The following NRG3 variants were observed in gnomAD, a reference collection of about 807,000 sequenced individuals.
The protein encoded by NRG3 is neuregulin 3.
A neutral mutation model predicts 66.9 loss-of-function variants in NRG3; 31 were observed. The observed-to-expected ratio is 0.46, with a 90% CI of 0.35 to 0.63. NRG3 has a LOEUF of 0.63. NRG3 is among the 20% of genes least tolerant of loss of function. The pLI is 0.00. For synonymous variants in NRG3, 393 were observed against 359.4 expected (o/e 1.09, Z -1.06); for missense variants, 910 against 878.9 (o/e 1.04, Z -0.45).
chr10:81,935,144 G>T (rs1189743555), intron 1 of NRG3, among the ~76,000 whole-genome samples: 10 of 152,182 alleles, frequency 6.6e-5, no homozygotes, highest in African/African-American at 2.2e-4. Flanking sequence ...TTGGTTTAAA[G>T]TGTAGAGGAA....
chr10:82,410,091 G>A (rs1311041125), intron 2 of NRG3, among the ~76,000 whole-genome samples: 1 of 151,970 alleles, frequency 6.6e-6, no homozygotes, highest in Non-Finnish European at 1.5e-5. Flanking sequence ...GTCTACCCAG[G>A]CCCAAAGAGA....
At chr10:82,261,244 T>G (rs1456419900) in intron 1 of NRG3, among the ~76,000 whole-genome samples, 1 of 152,152 alleles carries the variant, frequency 6.6e-6, no homozygotes, top group Non-Finnish European at 1.5e-5. Flanking sequence ...TGAGATCTGA[T>G]GGTTTTATAA....
chr10:82,579,156 A>G (rs2046207322), intron 2 of NRG3, among the ~76,000 whole-genome samples: 1 of 151,874 alleles, frequency 6.6e-6, no homozygotes, highest in Non-Finnish European at 1.5e-5. Flanking sequence ...TCTAATTAAA[A>G]TCATCCTTAA....
intron 2 of NRG3, among the ~76,000 whole-genome samples, chr10:82,406,208 G>A (rs1257819294): frequency 6.6e-6 from 1 of 152,188 alleles, no homozygotes; most frequent in African/African-American, 2.4e-5. Flanking sequence ...ACATATGAAA[G>A]TATTAGGAGA....
chr10:82,097,364 A>G (rs2066407399), intron 1 of NRG3, among the ~76,000 whole-genome samples: 1 of 98,640 alleles, frequency 1.0e-5, no homozygotes, highest in Non-Finnish European at 2.1e-5. Context: ...CAGTTTCCAG[A>G]TGGTTACACA....
intron 3 of NRG3, among the ~76,000 whole-genome samples, chr10:82,838,941 G>A (rs915068942): frequency 3.3e-5 from 5 of 152,086 alleles, no homozygotes; most frequent in African/African-American, 7.2e-5. Context: ...GCAGATGAGA[G>A]GATGAAAACC....
chr10:82,951,127 G>T (rs752578252), intron 4 of NRG3, among the ~76,000 whole-genome samples: 2 of 152,158 alleles, frequency 1.3e-5, no homozygotes, highest in African/African-American at 2.4e-5. Context: ...ACCTGAGTTT[G>T]TTTCTCTAGC....
At chr10:82,823,213 G>A (rs1437847667) in intron 3 of NRG3, among the ~76,000 whole-genome samples, 1 of 152,148 alleles carries the variant, frequency 6.6e-6, no homozygotes, top group Non-Finnish European at 1.5e-5. Context: ...TACGAATGGT[G>A]TTTCTCTAGT....
intron 2 of NRG3, among the ~76,000 whole-genome samples, chr10:82,614,563 T>C (rs1236793274): frequency 6.6e-6 from 1 of 152,232 alleles, no homozygotes; most frequent in East Asian, 1.9e-4. Context: ...TGCAGTTTAA[T>C]GCTTTATTAA....
chr10:82,278,620 T>A (rs1445977443), intron 1 of NRG3, among the ~76,000 whole-genome samples: 1 of 152,136 alleles, frequency 6.6e-6, no homozygotes, highest in Admixed American at 6.6e-5. Flanking sequence ...TTAACAATGA[T>A]TTGAGAACTG....
chr10:82,160,875 C>T (rs549762044), intron 1 of NRG3, among the ~76,000 whole-genome samples: 18 of 152,020 alleles, frequency 1.2e-4, no homozygotes, highest in African/African-American at 4.3e-4. Flanking sequence ...GAAAATGAAG[C>T]TCACTGTTAA....
chr10:82,345,277 C>T (rs1263184407), intron 1 of NRG3, among the ~76,000 whole-genome samples: 1 of 132,514 alleles, frequency 7.5e-6, no homozygotes, highest in Non-Finnish European at 1.5e-5. Flanking sequence ...CAGCTTTCTA[C>T]ATATGGCTAG....
intron 1 of NRG3, among the ~76,000 whole-genome samples, chr10:82,259,597 C>G (rs2077912607): frequency 6.6e-6 from 1 of 152,074 alleles, no homozygotes; most frequent in Non-Finnish European, 1.5e-5. Flanking sequence ...GGCAGCAGAA[C>G]AACTAGGATG....
intron 2 of NRG3, among the ~76,000 whole-genome samples, chr10:82,495,468 C>T (rs2132290487): frequency 6.6e-6 from 1 of 151,780 alleles, no homozygotes; most frequent in East Asian, 1.9e-4. Context: ...TTCTCTTTTG[C>T]TCTTCTCTCC....
In NRG3 at chr10:82,965,591, C is replaced by T. The variant is rs181139236; in HGVS notation, c.1284+6516C>T. Among the ~76,000 whole-genome samples the T allele has an allele frequency of 1.2e-3, 179 of 152,122 alleles. 3 individuals carry two copies. Among genetic ancestry groups the T allele is most frequent in the African/African-American group, 4.0e-3 (168 of 41,524 alleles). On this transcript the variant is annotated intron_variant, in intron 6 of 8. Transcript: ENST00000372141. ...ACCCTACTAAAAATCCAAAAATTAG[C>T]CGGGCGTGGTGGTGGGCGCCTGTAA... is the stretch of plus-strand genomic sequence containing the variant.
intron 2 of NRG3, among the ~76,000 whole-genome samples, chr10:82,677,649 C>T (rs2053810377): frequency 6.6e-6 from 1 of 152,120 alleles, no homozygotes; most frequent in Admixed American, 6.5e-5. Flanking sequence ...TATGCATCTG[C>T]AATACTACCT....
intron 4 of NRG3, among the ~76,000 whole-genome samples, chr10:82,922,282 G>A (rs1012660793): frequency 1.9e-4 from 29 of 152,226 alleles, no homozygotes; most frequent in Middle Eastern, 3.4e-3. Context: ...CCCCGTGGAG[G>A]TTTTACTGTT....
intron 1 of NRG3, among the ~76,000 whole-genome samples, chr10:82,224,980 A>C (rs2076103098): frequency 6.6e-6 from 1 of 151,956 alleles, no homozygotes; most frequent in Non-Finnish European, 1.5e-5. Flanking sequence ...TTAATAGTAA[A>C]ATTATTAAAT....
rs561072580 is a variant in NRG3 at position 82,552,982 on chromosome 10, C to A, written c.954-185595C>A. ...CCACATGATGTCACAGGCCCAGTCC[C>A]GGTGGCAAATCTGCTTATCTGTTTC... On this transcript the variant is annotated intron_variant, in intron 2 of 8. Transcript: ENST00000372141. 2.0e-5 allele frequency among the ~76,000 whole-genome samples: 3 copies of A among 151,922 alleles called. No individual in the cohort carries two copies. The South Asian group carries it at 6.2e-4, about 32-fold the overall frequency.
Sources: allele counts gnomAD v4.1 joint callset (sites outside exome capture counted in the v4.1 genomes callset), GRCh38; gene constraint gnomAD v4.1.1; transcripts MANE v1.5; gene names NCBI Gene and HGNC (gene_info 2026-07-23, HGNC 2026-07-21).